LAMA4: variants seen among roughly 807,000 people sequenced by gnomAD.
LAMA4 encodes the protein laminin subunit alpha 4, also known as laminin subunit alpha-4.
Under a neutral mutation model 207.1 loss-of-function variants are expected in LAMA4, and 127 were observed. The observed-to-expected ratio is 0.61, with a 90% CI of 0.53 to 0.71. The LOEUF is 0.71. LAMA4 is among the 30% of genes least tolerant of loss of function. The pLI is 0.00. For missense variants in LAMA4, 2,093 were observed against 2,246.5 expected (o/e 0.93, Z 1.38); for synonymous variants, 761 against 816.0 (o/e 0.93, Z 1.15).
At chr6:112,116,229 A>C (rs1778011478) in intron 35 of LAMA4, among the ~76,000 whole-genome samples, 1 of 152,202 alleles carries the variant, frequency 6.6e-6, no homozygotes, top group Admixed American at 6.5e-5. Context: ...AGCACACAAA[A>C]TATGTGTTAT....
intron 16 of LAMA4, among the ~76,000 whole-genome samples, chr6:112,152,910 C>CA (rs200387524): frequency 5.9e-4 from 88 of 148,518 alleles, no homozygotes; most frequent in Middle Eastern, 6.9e-3. Flanking sequence ...ACTGCAAAAA[C>CA]AAAAAAAAAT....
Position 112,189,179 on chromosome 6 carries a change from C to T in LAMA4, c.745G>A (p.Asp249Asn). The change falls in exon 7 of 39, where the codon GAC becomes AAC. Residue 249 changes from aspartate to asparagine, a missense_variant. Asp to Asn is a conservative substitution (Grantham distance 23). Coordinates refer to ENST00000230538, the MANE Select transcript of LAMA4 (RefSeq NM_001105206.3). ...TCCAAGCATTCTCCGGTTACACTGTCACATGGGCCTCCCCCGCAGTTGCAC... is the reference window on the plus strand; with the variant it reads ...TCCAAGCATTCTCCGGTTACACTGTTACATGGGCCTCCCCCGCAGTTGCAC... ...AVCNCGGGPC[D>N]SVTGECLEEG... 1 of 1,614,050 alleles carries T rather than the reference C, an allele frequency of 6.2e-7. No individual in the cohort carries two copies. The highest frequency in any genetic ancestry group is 8.5e-7 in the Non-Finnish European group (1 of 1,179,930).
chr6:112,165,302 G>A (rs1461398453), intron 12 of LAMA4, 26 bp from the exon 13 acceptor site: 2 of 1,433,278 alleles, frequency 1.4e-6, no homozygotes, highest in Non-Finnish European at 2.0e-6. Flanking sequence ...GTAAGGGAGA[G>A]TGAAGTGAAT....
At chr6:112,231,638 G>A (rs1583961693) in intron 2 of LAMA4, among the ~76,000 whole-genome samples, 3 of 152,276 alleles carry the variant, frequency 2.0e-5, no homozygotes, top group Admixed American at 6.5e-5. Context: ...ATGGGCCCTG[G>A]AAAAGGATGC....
intron 31 of LAMA4, among the ~76,000 whole-genome samples, chr6:112,122,584 A>C (rs1778426513): frequency 6.6e-6 from 1 of 152,202 alleles, no homozygotes; most frequent in Non-Finnish European, 1.5e-5. Flanking sequence ...TATAAGAAAC[A>C]ATATTAATGT....
chr6:112,205,370 AG>A (rs67517586), intron 4 of LAMA4, among the ~76,000 whole-genome samples: 8,355 of 152,218 alleles, frequency 0.055, 725 homozygotes, highest in African/African-American at 0.19. Context: ...TACTGTACTA[AG>A]GAGAAAATCT....
chr6:112,139,213 G>T lies in LAMA4; in HGVS notation c.3189C>A (p.Ile1063=), dbSNP rs1554332363. ...CCTGACCAAATTTCCCTCTCCTTGT[G>T]ATGTCTCTCACCACGGCATAACCGG... ...DGSGYAVVRD[I]TRRGKFGQVT... is the part of the protein sequence containing the mutation. The change falls in exon 24 of 39, where the codon ATC becomes ATA. Residue 1063 remains isoleucine, a synonymous_variant. Transcript: ENST00000230538. The T allele has an allele frequency of 6.2e-7, 1 of 1,614,172 alleles. No homozygotes were observed. Among genetic ancestry groups the T allele is most frequent in the Non-Finnish European group, 8.5e-7 (1 of 1,180,010 alleles).
At chr6:112,149,696 C>T (rs1023112270) in intron 17 of LAMA4, among the ~76,000 whole-genome samples, 5 of 152,114 alleles carry the variant, frequency 3.3e-5, no homozygotes, top group Admixed American at 1.3e-4. Context: ...AGCGTGAGAA[C>T]GGACTAATAC....
rs181839480 is a variant in LAMA4, at chr6:112,173,449, C to T, written c.1358-645G>A. On this transcript the variant is annotated intron_variant, in intron 11 of 38. Coordinates refer to ENST00000230538, the MANE Select transcript of LAMA4 (RefSeq NM_001105206.3). ...TGAGATTTTCTTCCATCACTGTAAG[C>T]AGAACACAAAAGTTCCTGGCTGAGT... Among the ~76,000 whole-genome samples, 24 of 152,274 alleles carry T rather than the reference C, an allele frequency of 1.6e-4. No homozygotes were observed. In the East Asian group the frequency reaches 4.4e-3, roughly 28 times the overall value.
rs1784105261 is a variant in LAMA4 at position 112,207,150 on chromosome 6, G to C, written c.298-5C>G. The C allele has an allele frequency of 6.2e-7, 1 of 1,613,814 alleles. No individual in the cohort carries two copies. ...TGTTGTGTTCCGCTGGCAGTGCTAT[G>C]AGACAAAAGACAAGAAGATTGACAA... On this transcript the variant is annotated splice_polypyrimidine_tract_variant and splice_region_variant and intron_variant, in intron 3 of 38. Coordinates refer to ENST00000230538, the MANE Select transcript of LAMA4 (RefSeq NM_001105206.3).
At chr6:112,130,868 T>C in intron 29 of LAMA4, 100 bp downstream of exon 29, 1 of 1,308,040 alleles carries the variant, frequency 7.6e-7, no homozygotes, top group African/African-American at 1.5e-5. Context: ...GTTTTAACAT[T>C]AGAAAAGTTA....
chr6:112,230,004 T>C (rs1373919426), intron 2 of LAMA4, among the ~76,000 whole-genome samples: 2 of 152,242 alleles, frequency 1.3e-5, no homozygotes, highest in Non-Finnish European at 2.9e-5. Context: ...TCCTTTTTTT[T>C]TTCTTATGCT....
At chr6:112,173,169 ACTTAT>A (rs1554342539) in intron 11 of LAMA4, among the ~76,000 whole-genome samples, 2 of 152,158 alleles carry the variant, frequency 1.3e-5, no homozygotes, top group African/African-American at 4.8e-5. Context: ...AAATAACCAA[ACTTAT>A]CTTGTCGGTA....
chr6:112,213,990 C>A (rs1554357708), intron 3 of LAMA4: 2 of 749,146 alleles, frequency 2.7e-6, no homozygotes, highest in South Asian at 1.4e-5. Flanking sequence ...ATGTTGGAGC[C>A]CTGGCTTCTC....
chr6:112,166,474 T>G (rs1781388710), intron 12 of LAMA4: 1 of 151,946 alleles, frequency 6.6e-6, no homozygotes. Flanking sequence ...AAGAAGGGAG[T>G]TGAAAAAAGG....
chr6:112,250,083 C>T (rs1787327326), intron 2 of LAMA4, among the ~76,000 whole-genome samples: 1 of 152,062 alleles, frequency 6.6e-6, no homozygotes, highest in African/African-American at 2.4e-5. Flanking sequence ...GGCTCCAAAC[C>T]AGCTTGTTGG....
intron 3 of LAMA4, among the ~76,000 whole-genome samples, chr6:112,211,484 G>C (rs566281524): frequency 2.3e-4 from 35 of 152,210 alleles, no homozygotes; most frequent in Non-Finnish European, 4.0e-4. Flanking sequence ...AGCCATATCT[G>C]TTATTAAAAT....
chr6:112,207,007 C>T lies in LAMA4; in HGVS notation c.422+14G>A. On this transcript the variant is annotated intron_variant, in intron 4 of 38. Coordinates refer to ENST00000230538, the MANE Select transcript of LAMA4 (RefSeq NM_001105206.3). ...ACTGATCATTAGAAGAGACCATCCT[C>T]CTTTAGGACTTACTTGGCCAAGTGG... is the stretch of plus-strand genomic sequence containing the variant. 6.2e-7 allele frequency: 1 copy of T among 1,613,724 alleles called. No homozygotes were observed. The highest frequency in any genetic ancestry group is 8.5e-7 in the Non-Finnish European group (1 of 1,179,868).
intron 2 of LAMA4, among the ~76,000 whole-genome samples, chr6:112,226,083 C>T (rs1554362373): frequency 4.6e-5 from 7 of 152,132 alleles, no homozygotes; most frequent in Non-Finnish European, 2.9e-5. Context: ...GTTCCCAATA[C>T]CACTATTTAG....
Sources: allele counts gnomAD v4.1 joint callset (sites outside exome capture counted in the v4.1 genomes callset), GRCh38; gene constraint gnomAD v4.1.1; transcripts MANE v1.5; gene names NCBI Gene and HGNC (gene_info 2026-07-23, HGNC 2026-07-21).